CCDC170: variants seen among roughly 807,000 people sequenced by gnomAD.
The protein encoded by CCDC170 is coiled-coil domain containing 170, also known as coiled-coil domain-containing protein 170.
Under a neutral mutation model 72.6 loss-of-function variants are expected in CCDC170, and 69 were observed. The ratio of observed to expected loss-of-function variants is 0.95; its 90% CI spans 0.78 to 1.16. CCDC170 has a LOEUF of 1.16. Among genes scored for constraint, CCDC170 ranks in the 50% most tolerant of loss-of-function variants. CCDC170 has a pLI of 0.00. For synonymous variants in CCDC170, 300 were observed against 303.9 expected, an observed-to-expected ratio of 0.99 and a Z score of 0.13; for missense variants, 852 against 832.5, an observed-to-expected ratio of 1.02 and a Z score of -0.29.
At chr6:151,583,518 C>T (rs368974881) in intron 6 of CCDC170, among the ~76,000 whole-genome samples, 9 of 152,104 alleles carry the variant, frequency 5.9e-5, no homozygotes, top group African/African-American at 1.2e-4. Context: ...AGTGCAGTGG[C>T]GTGATGTTGG....
chr6:151,520,099 A>G (rs1322967234), intron 1 of CCDC170, among the ~76,000 whole-genome samples: 1 of 152,220 alleles, frequency 6.6e-6, no homozygotes, highest in Non-Finnish European at 1.5e-5. Context: ...TCTGGTTCCA[A>G]TGCCTCTGAC....
At chr6:151,611,956 G>A (rs772540581) in intron 9 of CCDC170, among the ~76,000 whole-genome samples, 3 of 152,152 alleles carry the variant, frequency 2.0e-5, no homozygotes, top group South Asian at 2.1e-4. Context: ...TGATCCACCC[G>A]CCTTGTTCTC....
intron 5 of CCDC170, among the ~76,000 whole-genome samples, chr6:151,552,620 A>G (rs576041492): frequency 9.9e-4 from 150 of 151,990 alleles, no homozygotes; most frequent in African/African-American, 3.5e-3. Context: ...AAATTCTCCA[A>G]ATTTGTCCGG....
intron 9 of CCDC170, among the ~76,000 whole-genome samples, chr6:151,602,633 T>C (rs1776725670): frequency 6.6e-6 from 1 of 152,138 alleles, no homozygotes; most frequent in Admixed American, 6.6e-5. Flanking sequence ...TATAAGTGTT[T>C]GACAGTTCCT....
intron 1 of CCDC170, among the ~76,000 whole-genome samples, chr6:151,526,424 G>T (rs1350523785): frequency 6.6e-6 from 1 of 151,354 alleles, no homozygotes; most frequent in Non-Finnish European, 1.5e-5. Flanking sequence ...GTTTCACCAT[G>T]TTGGCCAGGA....
intron 1 of CCDC170, among the ~76,000 whole-genome samples, chr6:151,501,301 T>G (rs1781991146): frequency 6.6e-6 from 1 of 151,982 alleles, no homozygotes; most frequent in Non-Finnish European, 1.5e-5. Context: ...GCTTCTGGAC[T>G]AGAAAAAGGA....
chr6:151,569,007 T>C (rs1776179787), intron 5 of CCDC170, among the ~76,000 whole-genome samples: 1 of 152,212 alleles, frequency 6.6e-6, no homozygotes, highest in Non-Finnish European at 1.5e-5. Flanking sequence ...ATGCCAACAA[T>C]TTATACCAAA....
intron 1 of CCDC170, among the ~76,000 whole-genome samples, chr6:151,502,885 C>T (rs1396351536): frequency 6.6e-6 from 1 of 152,076 alleles, no homozygotes; most frequent in Non-Finnish European, 1.5e-5. Context: ...AAGTTATATC[C>T]GCGGCCAGGT....
chr6:151,617,905 AT>A, intron 10 of CCDC170, 41 bp from the exon 11 acceptor site: 1 of 1,588,482 alleles, frequency 6.3e-7, no homozygotes, highest in Non-Finnish European at 8.6e-7. Flanking sequence ...TAGTTGATAC[AT>A]TTTGTTCTCC....
At chr6:151,512,147 A>G (rs1256386964) in intron 1 of CCDC170, among the ~76,000 whole-genome samples, 1 of 148,854 alleles carries the variant, frequency 6.7e-6, no homozygotes, top group African/African-American at 2.5e-5. Flanking sequence ...ACCCAGCAGT[A>G]TACCGTTTTT....
At chr6:151,524,108 C>T (rs540418495) in intron 1 of CCDC170, among the ~76,000 whole-genome samples, 1 of 152,286 alleles carries the variant, frequency 6.6e-6, no homozygotes, top group East Asian at 1.9e-4. Flanking sequence ...TCTGGTAGCT[C>T]CACCCTGACC....
At chr6:151,509,818 T>C (rs139519331) in intron 1 of CCDC170, among the ~76,000 whole-genome samples, 195 of 152,238 alleles carry the variant, frequency 1.3e-3, no homozygotes, top group African/African-American at 4.5e-3. Context: ...CAGGCATATA[T>C]GGGACAATAA....
chr6:151,576,393 C>G (rs919414064), intron 6 of CCDC170, among the ~76,000 whole-genome samples: 1 of 151,608 alleles, frequency 6.6e-6, no homozygotes, highest in Non-Finnish European at 1.5e-5. Flanking sequence ...AGCATCTGTA[C>G]TTCAATAGCT....
intron 10 of CCDC170, 21 bp downstream of exon 10, chr6:151,615,700 GA>G (rs1165483715): frequency 6.6e-6 from 10 of 1,518,772 alleles, no homozygotes; most frequent in Non-Finnish European, 9.1e-6. Flanking sequence ...ATCTGGTGAT[GA>G]AACCTTGTTT....
chr6:151,494,110 C>A lies in CCDC170; in HGVS notation c.-19C>A. ...AGGGCCGGTTCCGGGTCCGAGCGCG[C>A]CCCCGGGCTCGGGTCGTCATGAGCC... is the stretch of plus-strand genomic sequence containing the variant. On this transcript the variant is annotated 5_prime_UTR_variant, in exon 1 of 11. Transcript: ENST00000239374. 4 of 1,493,590 alleles carry A rather than the reference C, an allele frequency of 2.7e-6. No individual in the cohort carries two copies. The highest frequency in any genetic ancestry group is 3.5e-6 in the Non-Finnish European group (4 of 1,128,728). The allele number at this position is 1,493,590 out of a possible 1,614,324, so 92.5% of individuals were successfully genotyped here.
chr6:151,597,707 A>C (rs1776646679), intron 9 of CCDC170, among the ~76,000 whole-genome samples: 1 of 152,226 alleles, frequency 6.6e-6, no homozygotes, highest in Non-Finnish European at 1.5e-5. Flanking sequence ...GCAGAGCAAA[A>C]AGAAATGGAA....
In CCDC170 at chr6:151,593,101, G is replaced by A. The variant is rs1279081519; in HGVS notation, c.1294-6G>A. ...GTCCCATTTTTGTTTCTGTTCTTGG[G>A]TTTAGTATCTTAAATTTCTGGATCA... is the stretch of plus-strand genomic sequence containing the variant. On this transcript the variant is annotated splice_region_variant and splice_polypyrimidine_tract_variant and intron_variant, in intron 7 of 10. Transcript: ENST00000239374. 1.9e-6 allele frequency: 3 copies of A among 1,613,968 alleles called. No homozygotes were observed. Among genetic ancestry groups the A allele is most frequent in the Non-Finnish European group, 2.5e-6 (3 of 1,179,996 alleles).
At chr6:151,554,863 T>C (rs568024871) in intron 5 of CCDC170, among the ~76,000 whole-genome samples, 1 of 147,838 alleles carries the variant, frequency 6.8e-6, no homozygotes, top group East Asian at 2.0e-4. Flanking sequence ...TTGATCTTTT[T>C]GGACCTCAGT....
At chr6:151,509,222 G>C (rs60800553) in intron 1 of CCDC170, among the ~76,000 whole-genome samples, 23,290 of 127,408 alleles carry the variant, frequency 0.18, 2,069 homozygotes, top group African/African-American at 0.3. Flanking sequence ...ATCTATCTAT[G>C]TATCTATCTA....
Sources: gnomAD v4.1 joint callset for allele counts (sites outside exome capture counted in the v4.1 genomes callset) on GRCh38, gnomAD v4.1.1 for gene constraint, MANE v1.5 for transcripts, NCBI Gene and HGNC (gene_info 2026-07-23, HGNC 2026-07-21) for gene names.